Variants in ST8SIA4 observed in about 807,000 individuals in gnomAD.
ST8SIA4 encodes ST8 alpha-N-acetyl-neuraminide alpha-2,8-sialyltransferase 4, also known as CMP-N-acetylneuraminate-poly-alpha-2,8-sialyltransferase.
Under a neutral mutation model 33.9 loss-of-function variants are expected in ST8SIA4, and 15 were observed. The ratio of observed to expected loss-of-function variants is 0.44; its 90% CI spans 0.30 to 0.68. The LOEUF (loss-of-function observed/expected upper bound fraction) is 0.68, where lower values mean the gene tolerates loss of function less well. Ranked by LOEUF, ST8SIA4 falls within the 30% of genes least tolerant of loss-of-function variation. The pLI is 0.10. For missense variants in ST8SIA4, 321 were observed against 428.0 expected (o/e 0.75, Z 2.21); for synonymous variants, 171 against 151.2 (o/e 1.13, Z -0.96).
At chr5:100,820,097 C>G (rs1192890502) in intron 4 of ST8SIA4, among the ~76,000 whole-genome samples, 2 of 152,108 alleles carry the variant, frequency 1.3e-5, no homozygotes, top group Admixed American at 1.3e-4. Flanking sequence ...CTTGGTCAAA[C>G]CATTTAAACA....
chr5:100,856,380 C>T lies in ST8SIA4; in HGVS notation c.520G>A (p.Val174Met), dbSNP rs1751813714. Residue 174 changes from valine to methionine, a missense_variant, in exon 4 of 5, where the codon GTG (valine) becomes ATG (methionine). Physicochemically the swap from Val to Met is conservative, Grantham distance 21. Coordinates refer to ENST00000231461, the MANE Select transcript of ST8SIA4 (RefSeq NM_005668.6). Reference protein sequence around the residue: ...NFVIRCNLAPVVEFAADVGTK... With the variant: ...NFVIRCNLAPMVEFAADVGTK... ...CCCACATCTGCAGCAAACTCCACCA[C>T]AGGAGCTAGATTACACCTGAAGAGG... 1 of 1,613,328 alleles carries T rather than the reference C, an allele frequency of 6.2e-7. No individual in the cohort carries two copies. The highest frequency in any genetic ancestry group is 1.1e-5 in the South Asian group (1 of 91,048).
chr5:100,890,999 C>G (rs909239651), intron 2 of ST8SIA4: 16 of 151,786 alleles, frequency 1.1e-4, no homozygotes, highest in African/African-American at 3.9e-4. Context: ...ACTGCAGAAT[C>G]CCAGAAAATT....
At chr5:100,816,881 C>A (rs1750931196) in intron 4 of ST8SIA4, among the ~76,000 whole-genome samples, 1 of 151,546 alleles carries the variant, frequency 6.6e-6, no homozygotes, top group African/African-American at 2.4e-5. Context: ...AAAAAAATGT[C>A]TTTTGGTTCT....
intron 4 of ST8SIA4, among the ~76,000 whole-genome samples, chr5:100,843,415 C>G (rs3822366): frequency 0.27 from 41,372 of 151,722 alleles, 5,962 homozygotes; most frequent in Non-Finnish European, 0.32. Context: ...TTCCATTCAG[C>G]TATCAACATG....
chr5:100,860,660 A>G (rs1233342683), intron 3 of ST8SIA4, among the ~76,000 whole-genome samples: 2 of 152,190 alleles, frequency 1.3e-5, no homozygotes, highest in African/African-American at 4.8e-5. Context: ...TGGTTGAGAA[A>G]CATGTCCAAG....
At chr5:100,849,801 GA>G (rs1204998561) in intron 4 of ST8SIA4, among the ~76,000 whole-genome samples, 1 of 151,750 alleles carries the variant, frequency 6.6e-6, no homozygotes, top group Non-Finnish European at 1.5e-5. Flanking sequence ...TCTCAAAAAA[GA>G]AACCCAAAAA....
intron 3 of ST8SIA4, among the ~76,000 whole-genome samples, chr5:100,869,658 A>G (rs1752154463): frequency 1.3e-5 from 2 of 152,146 alleles, no homozygotes; most frequent in Non-Finnish European, 2.9e-5. Context: ...CAAAACTCAA[A>G]CAAACAAACA....
In ST8SIA4 at chr5:100,886,556, A is replaced by C. The variant is rs749693981; in HGVS notation, c.290T>G (p.Val97Gly). The change falls in exon 3 of 5, where the codon GTG (valine) becomes GGG (glycine). Residue 97 changes from valine to glycine, a missense_variant. By Grantham distance (109) the Val-to-Gly change is moderately radical. Transcript: ENST00000231461. ...RFLDAERDVS[V>G]VKSSFKPGDV... ...ACCAGGCTTAAAACTGCTCTTGACC[A>C]CTGACACATCTCGTTCTGCATCTAA... The C allele has an allele frequency of 6.2e-7, 1 of 1,613,756 alleles. No homozygotes were observed. The highest frequency in any genetic ancestry group is 8.5e-7 in the Non-Finnish European group (1 of 1,179,766).
chr5:100,816,931 CT>C (rs1365678670), intron 4 of ST8SIA4, among the ~76,000 whole-genome samples: 2 of 148,486 alleles, frequency 1.3e-5, no homozygotes, highest in Admixed American at 1.3e-4. Context: ...AAATAATTGG[CT>C]TTTTTTCTTT....
chr5:100,813,785 T>C (rs1434769858), intron 4 of ST8SIA4, among the ~76,000 whole-genome samples: 1 of 151,970 alleles, frequency 6.6e-6, no homozygotes, highest in East Asian at 1.9e-4. Context: ...ATATGTATGG[T>C]TGCAGAGGTT....
At chr5:100,867,781 C>T (rs928801221) in intron 3 of ST8SIA4, among the ~76,000 whole-genome samples, 3 of 151,862 alleles carry the variant, frequency 2.0e-5, no homozygotes, top group South Asian at 2.1e-4. Context: ...ATTATTTATT[C>T]AATACTGAGT....
chr5:100,897,255 T>G (rs1752799109), intron 1 of ST8SIA4, among the ~76,000 whole-genome samples: 1 of 152,138 alleles, frequency 6.6e-6, no homozygotes, highest in African/African-American at 2.4e-5. Flanking sequence ...TGTGGCATGG[T>G]ACTAGCTGAG....
intron 4 of ST8SIA4, among the ~76,000 whole-genome samples, chr5:100,852,163 C>A (rs1301316831): frequency 1.5e-5 from 2 of 129,040 alleles, no homozygotes; most frequent in Admixed American, 9.1e-5. Flanking sequence ...CTGTGTCATC[C>A]AGGCTGGAGT....
intron 3 of ST8SIA4, among the ~76,000 whole-genome samples, chr5:100,862,057 C>T (rs1056243740): frequency 3.9e-5 from 6 of 152,154 alleles, no homozygotes; most frequent in East Asian, 1.9e-4. Context: ...TGAGCAACAG[C>T]GTAAGGAAGC....
At chr5:100,899,346 T>C (rs909689682) in intron 1 of ST8SIA4, among the ~76,000 whole-genome samples, 16 of 152,216 alleles carry the variant, frequency 1.1e-4, no homozygotes, top group African/African-American at 3.9e-4. Flanking sequence ...TTTAGTAGAA[T>C]TGTGAAATGT....
chr5:100,852,813 G>GT (rs751972309), intron 4 of ST8SIA4, among the ~76,000 whole-genome samples: 114 of 152,294 alleles, frequency 7.5e-4, no homozygotes, highest in Non-Finnish European at 1.5e-3. Flanking sequence ...AGGAATCACA[G>GT]TTTTTGGAGG....
chr5:100,889,427 T>C (rs1752611794), intron 2 of ST8SIA4, among the ~76,000 whole-genome samples: 1 of 151,958 alleles, frequency 6.6e-6, no homozygotes, highest in Admixed American at 6.6e-5. Flanking sequence ...AGAAGTGGCA[T>C]GTTTGCAAGC....
At chr5:100,854,474 T>C (rs962664312) in intron 4 of ST8SIA4, among the ~76,000 whole-genome samples, 2 of 151,932 alleles carry the variant, frequency 1.3e-5, no homozygotes, top group South Asian at 2.1e-4. Flanking sequence ...TCCCAGCTAC[T>C]TGGGAGGCTG....
intron 4 of ST8SIA4, among the ~76,000 whole-genome samples, chr5:100,813,413 G>A (rs949739896): frequency 2.0e-5 from 3 of 151,888 alleles, no homozygotes; most frequent in Admixed American, 1.3e-4. Context: ...GAAGGCCATG[G>A]GCTAAATATT....
Sources: allele counts gnomAD v4.1 joint callset (sites outside exome capture counted in the v4.1 genomes callset), GRCh38; gene constraint gnomAD v4.1.1; transcripts MANE v1.5; gene names NCBI Gene and HGNC (gene_info 2026-07-23, HGNC 2026-07-21).